CDC14B: variants seen among roughly 807,000 people sequenced by gnomAD.
The protein encoded by CDC14B is dual specificity protein phosphatase CDC14B.
CDC14B carries 22 observed loss-of-function variants against 64.2 expected under a neutral mutation model. The observed-to-expected ratio is 0.34, with a 90% CI of 0.24 to 0.49. The LOEUF (loss-of-function observed/expected upper bound fraction) is 0.49. Ranked by LOEUF, CDC14B falls within the 20% of genes least tolerant of loss-of-function variation. The probability of loss-of-function intolerance (pLI) is 0.99; values close to 1 mark genes in which losing one functional copy is unlikely to be tolerated. For missense variants in CDC14B, 498 were observed against 629.9 expected, an observed-to-expected ratio of 0.79 and a Z score of 2.24; for synonymous variants, 191 against 215.8, an observed-to-expected ratio of 0.89 and a Z score of 1.01.
rs541635659 is a variant in CDC14B at position 96,605,323 on chromosome 9, T to A, written c.160+13896A>T. 5.6e-4 allele frequency among the ~76,000 whole-genome samples: 86 copies of A among 152,268 alleles called. 1 individual carries two copies. Among genetic ancestry groups the A allele is most frequent in the Non-Finnish European group, 1.2e-3 (79 of 68,014 alleles). On this transcript the variant is annotated intron_variant, in intron 1 of 13. Coordinates refer to ENST00000375241, the MANE Select transcript of CDC14B (RefSeq NM_033331.4). ...GGCTTTCTCTGGCCTAAAGAGTCCA[T>A]TTTGCCTACTGTCATAGGACTTGAA... is the stretch of plus-strand genomic sequence containing the variant.
In CDC14B at chr9:96,549,980, A is replaced by G. The variant is rs571405890; in HGVS notation, c.497+1816T>C. 3.9e-5 allele frequency among the ~76,000 whole-genome samples: 6 copies of G among 152,356 alleles called. No homozygotes were observed. The South Asian group carries it at 1.2e-3, about 32-fold the overall frequency. ...ATTGCACAGTGCGAAATGTGTGAGC[A>G]TGTTCCTATTTCAGGACCTTGTGCT... On this transcript the variant is annotated intron_variant, in intron 5 of 13. Coordinates refer to ENST00000375241, the MANE Select transcript of CDC14B (RefSeq NM_033331.4).
intron 13 of CDC14B, among the ~76,000 whole-genome samples, chr9:96,507,606 G>C (rs1834339689): frequency 6.6e-6 from 1 of 151,974 alleles, no homozygotes; most frequent in East Asian, 1.9e-4. Flanking sequence ...AGTAGAGACA[G>C]AGTTTCACCA....
At chr9:96,619,004 C>T (rs1050457083) in intron 1 of CDC14B, among the ~76,000 whole-genome samples, 1 of 151,800 alleles carries the variant, frequency 6.6e-6, no homozygotes, top group Non-Finnish European at 1.5e-5. Context: ...AAAGTTAAAG[C>T]TCGCAGCCCA....
At chr9:96,552,592 G>A (rs1024533512) in intron 4 of CDC14B, among the ~76,000 whole-genome samples, 1 of 151,912 alleles carries the variant, frequency 6.6e-6, no homozygotes, top group Admixed American at 6.5e-5. Context: ...ACGTTCTCAT[G>A]TCTTCTCACT....
At chr9:96,574,915 CA>C (rs1450830455) in intron 1 of CDC14B, among the ~76,000 whole-genome samples, 1 of 152,130 alleles carries the variant, frequency 6.6e-6, no homozygotes, top group African/African-American at 2.4e-5. Flanking sequence ...AAGAAATGCA[CA>C]AGATGAAGAA....
intron 1 of CDC14B, among the ~76,000 whole-genome samples, chr9:96,574,027 G>GC: frequency 6.6e-6 from 1 of 152,006 alleles, no homozygotes; most frequent in Middle Eastern, 3.4e-3. Context: ...GGCACCCGTA[G>GC]CCCCAGCTAC....
chr9:96,594,182 C>T (rs1487817727), intron 1 of CDC14B, among the ~76,000 whole-genome samples: 1 of 152,188 alleles, frequency 6.6e-6, no homozygotes, highest in East Asian at 1.9e-4. Context: ...GTGAGCCCTG[C>T]AACTGCTTTG....
chr9:96,513,232 CG>C (rs1835158110), intron 12 of CDC14B, among the ~76,000 whole-genome samples: 1 of 152,142 alleles, frequency 6.6e-6, no homozygotes, highest in South Asian at 2.1e-4. Flanking sequence ...AACCACACCA[CG>C]GAAGACTCCA....
intron 12 of CDC14B, among the ~76,000 whole-genome samples, chr9:96,518,815 T>G (rs575457266): frequency 6.6e-6 from 1 of 152,246 alleles, no homozygotes; most frequent in Non-Finnish European, 1.5e-5. Flanking sequence ...GATGGTTACT[T>G]TTTCCTCTAG....
chr9:96,617,894 A>G (rs759105900), intron 1 of CDC14B, among the ~76,000 whole-genome samples: 1 of 152,200 alleles, frequency 6.6e-6, no homozygotes, highest in African/African-American at 2.4e-5. Context: ...ACCCGTTCCC[A>G]GCCCCATCCG....
Position 96,552,266 on chromosome 9 carries a change from G to C in CDC14B, c.421-394C>G, listed in dbSNP as rs374957496. ...GGATGGGGTTAGACTGGGGTGAGGT[G>C]GAAAGAGACACAAAGGCAGAACACA... On this transcript the variant is annotated intron_variant, in intron 4 of 13. Transcript: ENST00000375241. Among the ~76,000 whole-genome samples, 12 of 152,150 alleles carry C rather than the reference G, an allele frequency of 7.9e-5. No homozygotes were observed. In the South Asian group the frequency reaches 2.5e-3, roughly 32 times the overall value.
intron 1 of CDC14B, among the ~76,000 whole-genome samples, chr9:96,566,356 CTA>C (rs139071670): frequency 0.023 from 3,195 of 137,234 alleles, 107 homozygotes; most frequent in African/African-American, 0.094. Context: ...AAATGGTAAA[CTA>C]TTTTTTTTTT....
intron 13 of CDC14B, among the ~76,000 whole-genome samples, chr9:96,504,870 T>C (rs1833910175): frequency 6.6e-6 from 1 of 151,876 alleles, no homozygotes; most frequent in African/African-American, 2.4e-5. Flanking sequence ...AAAACACTCG[T>C]GGTTTTAGAA....
At chr9:96,582,713 C>T (rs1033499403) in intron 1 of CDC14B, among the ~76,000 whole-genome samples, 6 of 152,174 alleles carry the variant, frequency 3.9e-5, no homozygotes, top group Non-Finnish European at 7.4e-5. Flanking sequence ...CACTGAGGAA[C>T]AAACATTTCA....
rs1841881856 is a variant in CDC14B at position 96,551,782 on chromosome 9, A to G, written c.497+14T>C. 1.2e-6 allele frequency: 2 copies of G among 1,604,874 alleles called. No homozygotes were observed. The highest frequency in any genetic ancestry group is 1.7e-6 in the Non-Finnish European group (2 of 1,176,442). On this transcript the variant is annotated intron_variant, in intron 5 of 13. Transcript: ENST00000375241. The stretch of plus-strand genomic sequence containing the variant: ...TCTGATTACCTGAATCTACCACATC[A>G]TTCTTATATTTACCTGAAAGGAATA...
At chr9:96,498,439 C>T (rs746821362), downstream of CDC14B, among the ~76,000 whole-genome samples, 7 of 152,186 alleles carry the variant, frequency 4.6e-5, no homozygotes, top group Non-Finnish European at 8.8e-5. Flanking sequence ...ACTGAGGGGC[C>T]GCGGGAAGGG....
At chr9:96,618,846 C>G (rs986530470) in intron 1 of CDC14B, 1 of 318,132 alleles carries the variant, frequency 3.1e-6, no homozygotes, top group Non-Finnish European at 6.0e-6. Context: ...GAGGGCCAAC[C>G]GGGCTCGCAA....
At position 96,579,765 on chromosome 9, in the gene CDC14B, T is replaced by C. The variant is rs77568895; in HGVS notation, c.161-14282A>G. Among the ~76,000 whole-genome samples the C allele has an allele frequency of 1.4e-4, 22 of 152,242 alleles. No individual in the cohort carries two copies. In the East Asian group the frequency reaches 4.3e-3, roughly 29 times the overall value. On this transcript the variant is annotated intron_variant, in intron 1 of 13. Coordinates refer to ENST00000375241, the MANE Select transcript of CDC14B (RefSeq NM_033331.4). ...CCTAAGCTCCAGAATTGTAACAAAA[T>C]ACATTTCTGTTGTCTACACCACGCA... is the stretch of plus-strand genomic sequence containing the variant.
At chr9:96,506,297 T>C (rs1199744721) in intron 13 of CDC14B, among the ~76,000 whole-genome samples, 1 of 152,172 alleles carries the variant, frequency 6.6e-6, no homozygotes, top group East Asian at 1.9e-4. Flanking sequence ...AATATACTAA[T>C]TCCCTCTTGC....
Sources: allele counts gnomAD v4.1 joint callset (sites outside exome capture counted in the v4.1 genomes callset), GRCh38; gene constraint gnomAD v4.1.1; transcripts MANE v1.5; gene names NCBI Gene and HGNC (gene_info 2026-07-23, HGNC 2026-07-21).